RALGAPB: variants seen among roughly 807,000 people sequenced by gnomAD.
The protein encoded by RALGAPB is ral GTPase-activating protein subunit beta.
A neutral mutation model predicts 161.1 loss-of-function variants in RALGAPB; 25 were observed. The observed-to-expected ratio is 0.16, with a 90% CI of 0.11 to 0.22. The LOEUF is 0.22. Among genes scored for constraint, RALGAPB ranks in the 10% least tolerant of loss-of-function variants. The probability of loss-of-function intolerance (pLI) is 1.00; values close to 1 mark genes in which losing one functional copy is unlikely to be tolerated. For synonymous variants in RALGAPB, 629 were observed against 626.1 expected (o/e 1.00, Z -0.07); for missense variants, 1,391 against 1,815.2 (o/e 0.77, Z 4.25).
At position 38,521,451 on chromosome 20, in the gene RALGAPB, C is replaced by A. The variant is rs771699743; in HGVS notation, c.1418-46C>A. 1.7e-5 allele frequency: 28 copies of A among 1,610,214 alleles called. 1 individual carries two copies. In the Admixed American group the frequency reaches 4.5e-4, roughly 26 times the overall value. On this transcript the variant is annotated intron_variant, in intron 9 of 29. Coordinates refer to ENST00000262879, the MANE Select transcript of RALGAPB (RefSeq NM_020336.4). ...TTGTGTCCAGGGTCCCATGAGCCTA[C>A]GTGGCATATTGCAAATATAATAAAA...
rs545424754 is a variant in RALGAPB at position 38,499,753 on chromosome 20, A to G, written c.740+120A>G. On this transcript the variant is annotated intron_variant, in intron 5 of 29. Coordinates refer to ENST00000262879, the MANE Select transcript of RALGAPB (RefSeq NM_020336.4). ...GTTATTACTGTACTTTAGATACAGAATTGAGCCACTTTTTAAATATAGATA... is the reference window on the plus strand; with the variant it reads ...GTTATTACTGTACTTTAGATACAGAGTTGAGCCACTTTTTAAATATAGATA... The G allele has an allele frequency of 1.1e-4, 101 of 901,278 alleles. No homozygotes were observed. In the African/African-American group the frequency reaches 1.7e-3, roughly 15 times the overall value. 55.8% of individuals were successfully genotyped at this position (901,278 alleles called of 1,614,324 possible).
intron 21 of RALGAPB, among the ~76,000 whole-genome samples, chr20:38,552,883 G>A (rs934907646): frequency 1.2e-4 from 19 of 152,158 alleles, no homozygotes; most frequent in Non-Finnish European, 2.6e-4. Context: ...TGACTGGTGT[G>A]GAGATTGACA....
chr20:38,482,426 C>CT (rs386393725), intron 1 of RALGAPB, among the ~76,000 whole-genome samples: 4,310 of 121,334 alleles, frequency 0.036, 212 homozygotes, highest in African/African-American at 0.074. Flanking sequence ...GTATGTTTAT[C>CT]TTTTTTTTTT....
intron 25 of RALGAPB, among the ~76,000 whole-genome samples, chr20:38,566,001 A>G (rs2087983692): frequency 6.6e-6 from 1 of 152,166 alleles, no homozygotes; most frequent in Admixed American, 6.5e-5. Flanking sequence ...TCACAGTTTT[A>G]TTTTGCCCAG....
intron 1 of RALGAPB, among the ~76,000 whole-genome samples, chr20:38,484,858 G>T (rs901412033): frequency 6.6e-6 from 1 of 152,066 alleles, no homozygotes; most frequent in Non-Finnish European, 1.5e-5. Flanking sequence ...ACCATGCCTG[G>T]CTAATTTTGT....
chr20:38,544,836 TGTACTC>T (rs1381009771), intron 18 of RALGAPB, among the ~76,000 whole-genome samples: 1 of 152,228 alleles, frequency 6.6e-6, no homozygotes, highest in African/African-American at 2.4e-5. Context: ...TTCATTAAAA[TGTACTC>T]GGACTGCATT....
chr20:38,531,410 C>T (rs1483212150), intron 14 of RALGAPB, among the ~76,000 whole-genome samples, 179 bp downstream of exon 14: 1 of 152,172 alleles, frequency 6.6e-6, no homozygotes. Flanking sequence ...TTCAGTGCCT[C>T]TTCAGCTGTA....
At chr20:38,560,273 T>C in intron 23 of RALGAPB, among the ~76,000 whole-genome samples, 1 of 152,146 alleles carries the variant, frequency 6.6e-6, no homozygotes, top group Non-Finnish European at 1.5e-5. Flanking sequence ...AGGGTGTTAA[T>C]AGGGTCATTA....
At position 38,551,106 on chromosome 20, in the gene RALGAPB, T is replaced by A. The variant is rs748052113; in HGVS notation, c.3045T>A (p.Asn1015Lys). ...FVPEPRPVPK[N>K]DVGFKYSVKH... ...CTGAACCTCGCCCAGTTCCTAAAAATGACGTTGGATTTAAATATTCTGTGA... is the reference window on the plus strand; with the variant it reads ...CTGAACCTCGCCCAGTTCCTAAAAAAGACGTTGGATTTAAATATTCTGTGA... The change falls in exon 21 of 30, where the codon AAT (asparagine) becomes AAA (lysine). Residue 1015 changes from asparagine to lysine, a missense_variant. By Grantham distance (94) the Asn-to-Lys change is moderately conservative. Around this residue, in one of 3 missense-constraint regions of RALGAPB, gnomAD observed 946 missense variants for 1,257.2 expected, o/e 0.75. Coordinates refer to ENST00000262879, the MANE Select transcript of RALGAPB (RefSeq NM_020336.4). 2.5e-6 allele frequency: 4 copies of A among 1,614,002 alleles called. No individual in the cohort carries two copies. In the East Asian group the frequency reaches 8.9e-5, roughly 36 times the overall value.
At chr20:38,477,235 T>G (rs936886255) in intron 1 of RALGAPB, among the ~76,000 whole-genome samples, 2 of 152,220 alleles carry the variant, frequency 1.3e-5, no homozygotes, top group Non-Finnish European at 2.9e-5. Context: ...TTAAAACTAT[T>G]AAAATTAAAA....
At chr20:38,543,849 C>G (rs1028591671) in intron 18 of RALGAPB, among the ~76,000 whole-genome samples, 4 of 152,170 alleles carry the variant, frequency 2.6e-5, no homozygotes, top group African/African-American at 9.7e-5. Flanking sequence ...CTTCCGTGCT[C>G]ATTCTGTCTG....
At position 38,534,646 on chromosome 20, in the gene RALGAPB, A is replaced by T. The variant is rs554369356; in HGVS notation, c.2246-428A>T. On this transcript the variant is annotated intron_variant, in intron 15 of 29. Coordinates refer to ENST00000262879, the MANE Select transcript of RALGAPB (RefSeq NM_020336.4). The stretch of plus-strand genomic sequence containing the variant: ...TAAACCCTGTAAGTAATTTCAACAG[A>T]TGCTTGCTTCAGAGTAATTCCTAGC... Among the ~76,000 whole-genome samples the T allele has an allele frequency of 8.5e-4, 130 of 152,250 alleles. 1 individual carries two copies. The highest frequency in any genetic ancestry group is 1.5e-3 in the Non-Finnish European group (99 of 68,042).
At chr20:38,537,495 T>C (rs1309013559) in intron 16 of RALGAPB, among the ~76,000 whole-genome samples, 1 of 152,086 alleles carries the variant, frequency 6.6e-6, no homozygotes, top group Non-Finnish European at 1.5e-5. Context: ...ATAAAACTTC[T>C]AGAAGAAAAC....
chr20:38,569,814 C>A, intron 26 of RALGAPB, 74 bp from the exon 27 acceptor site: 2 of 1,078,698 alleles, frequency 1.9e-6, no homozygotes, highest in Non-Finnish European at 2.8e-6. Flanking sequence ...AAATGAATGA[C>A]TGGGTAGTTT....
At chr20:38,475,062 T>G (rs2084764083) in intron 1 of RALGAPB, among the ~76,000 whole-genome samples, 1 of 152,252 alleles carries the variant, frequency 6.6e-6, no homozygotes, top group Admixed American at 6.5e-5. Context: ...ACTAACCATG[T>G]GCAATCAACA....
intron 20 of RALGAPB, among the ~76,000 whole-genome samples, chr20:38,549,074 T>C (rs574606378): frequency 6.6e-6 from 1 of 152,308 alleles, no homozygotes; most frequent in African/African-American, 2.4e-5. Flanking sequence ...GCCCCAGTTT[T>C]TTCCATGTAA....
intron 13 of RALGAPB, among the ~76,000 whole-genome samples, chr20:38,526,666 C>A (rs2123152302): frequency 6.6e-6 from 1 of 152,198 alleles, no homozygotes; most frequent in East Asian, 1.9e-4. Flanking sequence ...CAACACAAAA[C>A]CTGAAATTAT....
At chr20:38,538,382 A>G in intron 16 of RALGAPB, 1 of 213,604 alleles carries the variant, frequency 4.7e-6, no homozygotes, top group South Asian at 1.0e-4. Flanking sequence ...AGCACTGTAG[A>G]CCCTAAAGAT....
chr20:38,520,852 C>A (rs930376237), intron 9 of RALGAPB, among the ~76,000 whole-genome samples: 2 of 152,140 alleles, frequency 1.3e-5, no homozygotes, highest in African/African-American at 4.8e-5. Flanking sequence ...CCATGATAAT[C>A]TTTTTTATCA....
Sources: gnomAD v4.1 joint callset for allele counts (sites outside exome capture counted in the v4.1 genomes callset) on GRCh38, gnomAD v4.1.1 for gene constraint, gnomAD v4.1.1 regional missense constraint, MANE v1.5 for transcripts, NCBI Gene and HGNC (gene_info 2026-07-23, HGNC 2026-07-21) for gene names.